Variants in MBNL2 observed in about 807,000 individuals in gnomAD.
The protein encoded by MBNL2 is muscleblind like splicing regulator 2, also known as muscleblind-like protein 2.
In MBNL2, 17 loss-of-function variants were observed where a neutral mutation model predicts 41.9. The ratio of observed to expected loss-of-function variants is 0.41; its 90% CI spans 0.28 to 0.61. The LOEUF is 0.61. Ranked by LOEUF, MBNL2 falls within the 20% of genes least tolerant of loss-of-function variation. The pLI is 0.35. For missense variants in MBNL2, 336 were observed against 505.6 expected, an observed-to-expected ratio of 0.66 and a Z score of 3.22; for synonymous variants, 195 against 182.9, an observed-to-expected ratio of 1.07 and a Z score of -0.53.
intron 1 of MBNL2, among the ~76,000 whole-genome samples, chr13:97,274,100 A>G (rs944436898): frequency 1.4e-4 from 21 of 152,148 alleles, no homozygotes; most frequent in African/African-American, 5.1e-4. Flanking sequence ...AAAAAGCCCT[A>G]ATGCAAGGAA....
chr13:97,158,438 C>G, the MBNL2 span, among the ~76,000 whole-genome samples: 1 of 152,158 alleles, frequency 6.6e-6, no homozygotes. Context: ...CTTCTGCTAG[C>G]TTTTGAATGT....
At chr13:97,193,657 G>GA in the MBNL2 span, among the ~76,000 whole-genome samples, 1 of 152,350 alleles carries the variant, frequency 6.6e-6, no homozygotes, top group South Asian at 2.1e-4. Flanking sequence ...ACTAGGTGGA[G>GA]AATGGATTGC....
intron 1 of MBNL2, among the ~76,000 whole-genome samples, chr13:97,233,154 T>C (rs2042673318): frequency 1.8e-5 from 2 of 108,780 alleles, no homozygotes; most frequent in African/African-American, 3.6e-5. Context: ...TATATATATA[T>C]ATATATATAT....
intron 1 of MBNL2, among the ~76,000 whole-genome samples, chr13:97,224,628 C>CA (rs538498133): frequency 0.026 from 2,793 of 107,266 alleles, 57 homozygotes; most frequent in Admixed American, 0.05. Context: ...GACCTTTTAC[C>CA]AAAAAAAAAA....
chr13:97,149,949 A>G, the MBNL2 span, among the ~76,000 whole-genome samples: 1 of 152,170 alleles, frequency 6.6e-6, no homozygotes, highest in Non-Finnish European at 1.5e-5. Flanking sequence ...ACCCCCCTAT[A>G]TCACACACCA....
chr13:97,314,221 C>G (rs567665100), intron 2 of MBNL2, among the ~76,000 whole-genome samples: 14 of 152,292 alleles, frequency 9.2e-5, no homozygotes, highest in Admixed American at 6.5e-4. Context: ...AGGACCATTG[C>G]ATTTCCTCAC....
At chr13:97,316,950 G>C (rs1203013211) in intron 2 of MBNL2, among the ~76,000 whole-genome samples, 1 of 152,216 alleles carries the variant, frequency 6.6e-6, no homozygotes, top group Non-Finnish European at 1.5e-5. Flanking sequence ...GCCCAAGGTA[G>C]ACTTGCAACA....
At chr13:97,311,999 G>A (rs2058655921) in intron 2 of MBNL2, among the ~76,000 whole-genome samples, 1 of 152,152 alleles carries the variant, frequency 6.6e-6, no homozygotes. Flanking sequence ...TAACTTGAAT[G>A]AAACCAACTG....
At chr13:97,296,205 A>G (rs2056984079) in intron 2 of MBNL2, among the ~76,000 whole-genome samples, 2 of 152,152 alleles carry the variant, frequency 1.3e-5, no homozygotes, top group African/African-American at 4.8e-5. Flanking sequence ...ATTGATTTTG[A>G]TTCATTTCTC....
chr13:97,374,720 G>A (rs530784454), intron 8 of MBNL2, among the ~76,000 whole-genome samples: 1 of 152,238 alleles, frequency 6.6e-6, no homozygotes, highest in South Asian at 2.1e-4. Flanking sequence ...ACTGGAGGGG[G>A]TCTTTTATAG....
At chr13:97,360,563 C>T (rs2063314679) in intron 7 of MBNL2, among the ~76,000 whole-genome samples, 1 of 152,150 alleles carries the variant, frequency 6.6e-6, no homozygotes. Flanking sequence ...TTCTAAGTTA[C>T]TGTAAGTGTT....
In MBNL2 at chr13:97,357,633, C is replaced by T; in HGVS notation, c.1010C>T (p.Thr337Ile). The T allele has an allele frequency of 6.2e-7, 1 of 1,613,858 alleles. No individual in the cohort carries two copies. The change falls in exon 7 of 9, where the codon ACA becomes ATA. Residue 337 changes from threonine to isoleucine, a missense_variant and splice_region_variant. Coordinates refer to ENST00000679496, the MANE Select transcript of MBNL2 (RefSeq NM_001382683.1). ...CAGCAACACGCCGCGTTCATTCCAA[C>T]AGGTATGTGCCCTTACTGCCCTACG... ...QLQQHAAFIP[T>I]GSVLCMTPAT...
chr13:97,249,311 T>C (rs2046081110), intron 1 of MBNL2, among the ~76,000 whole-genome samples: 1 of 152,232 alleles, frequency 6.6e-6, no homozygotes, highest in South Asian at 2.1e-4. Context: ...ATTTGACCTA[T>C]TGTTCAGTTT....
rs891541112 is a variant in MBNL2 at position 97,343,279 on chromosome 13, G to A, written c.540+63G>A. 6.5e-6 allele frequency: 8 copies of A among 1,222,520 alleles called. No individual in the cohort carries two copies. The African/African-American group carries it at 1.2e-4, about 18-fold the overall frequency. The allele number at this position is 1,222,520 out of a possible 1,614,324, so 75.7% of individuals were successfully genotyped here. A position where few individuals can be genotyped will look rare whatever the true frequency, so the allele number is the denominator to read the frequency against. On this transcript the variant is annotated intron_variant, in intron 4 of 8. Transcript: ENST00000679496. The stretch of plus-strand genomic sequence containing the variant: ...GGTAGAAATATACTTCTGTGTAAGT[G>A]ATTGCTTGTAAGATATTAATTCAGT...
the MBNL2 span, among the ~76,000 whole-genome samples, chr13:97,147,694 A>G: frequency 6.6e-6 from 1 of 152,222 alleles, no homozygotes; most frequent in Non-Finnish European, 1.5e-5. Context: ...GAGTCCGTGT[A>G]GGTATCCAGG....
intron 1 of MBNL2, among the ~76,000 whole-genome samples, chr13:97,234,118 C>T (rs933814492): frequency 6.6e-6 from 1 of 152,144 alleles, no homozygotes; most frequent in Non-Finnish European, 1.5e-5. Context: ...ATTGACCGGA[C>T]AATCATGACC....
At chr13:97,337,927 CCT>C (rs912559190) in intron 3 of MBNL2, among the ~76,000 whole-genome samples, 19 of 152,164 alleles carry the variant, frequency 1.2e-4, no homozygotes, top group Non-Finnish European at 2.1e-4. Flanking sequence ...CATCCACTCC[CCT>C]GTTTCTCAGC....
chr13:97,361,846 T>C (rs1036242603), intron 7 of MBNL2, among the ~76,000 whole-genome samples: 10 of 139,190 alleles, frequency 7.2e-5, no homozygotes, highest in Non-Finnish European at 1.1e-4. Context: ...CTTGGCTCAC[T>C]GCAACCTCCG....
At position 97,241,154 on chromosome 13, in the gene MBNL2, T is replaced by C. The variant is rs138680906; in HGVS notation, c.-605+18623T>C. ...ATTGGTTCAAGGTGTTTCCTGGAAC[T>C]GAAGTCCCCTTCCTTCCTGGATGTG... is the stretch of plus-strand genomic sequence containing the variant. On this transcript the variant is annotated intron_variant, in intron 1 of 8. Coordinates refer to ENST00000679496, the MANE Select transcript of MBNL2 (RefSeq NM_001382683.1). Among the ~76,000 whole-genome samples, 99 of 152,354 alleles carry C rather than the reference T, an allele frequency of 6.5e-4. 4 individuals carry two copies. In the South Asian group the frequency reaches 0.016, roughly 24 times the overall value.
Sources: allele counts gnomAD v4.1 joint callset (sites outside exome capture counted in the v4.1 genomes callset), GRCh38; gene constraint gnomAD v4.1.1; transcripts MANE v1.5; gene names NCBI Gene and HGNC (gene_info 2026-07-23, HGNC 2026-07-21).